The following DENND6B variants were observed in gnomAD, a reference collection of about 807,000 sequenced individuals.
DENND6B encodes DENN domain containing 6B.
A neutral mutation model predicts 85.1 loss-of-function variants in DENND6B; 73 were observed. The ratio of observed to expected loss-of-function variants is 0.86; its 90% CI spans 0.71 to 1.04. The LOEUF (loss-of-function observed/expected upper bound fraction) is 1.04. DENND6B is among the 50% of genes least tolerant of loss of function. DENND6B has a pLI of 0.00. For synonymous variants in DENND6B, 357 were observed against 329.3 expected (o/e 1.08, Z -0.91); for missense variants, 715 against 785.8 (o/e 0.91, Z 1.08).
chr22:50,316,585 G>C (rs1262694178), intron 5 of DENND6B, 110 bp from the exon 6 acceptor site: 1 of 1,542,618 alleles, frequency 6.5e-7, no homozygotes, highest in Middle Eastern at 1.7e-4. Context: ...GCCCAGGGTA[G>C]CACGTCCCAC....
At chr22:50,314,054 G>C (rs914203585) in intron 13 of DENND6B, 153 bp downstream of exon 13, 32 of 1,267,312 alleles carry the variant, frequency 2.5e-5, no homozygotes, top group African/African-American at 7.6e-5. Context: ...GAAGAGAAGA[G>C]AGCGACCCCT....
intron 3 of DENND6B, 132 bp from the exon 4 acceptor site, chr22:50,318,152 G>T: frequency 1.2e-6 from 1 of 839,440 alleles, no homozygotes; most frequent in Non-Finnish European, 1.8e-6. Flanking sequence ...AAACCAGCCT[G>T]GCTAACACAG....
In DENND6B at chr22:50,315,232, C is replaced by T. The variant is rs1052450853; in HGVS notation, c.759-311G>A. 5.9e-5 allele frequency among the ~76,000 whole-genome samples: 9 copies of T among 152,296 alleles called. No individual in the cohort carries two copies. In the East Asian group the frequency reaches 7.7e-4, roughly 13 times the overall value. ...CTGCTGACCTGGGCTGGGGGGTACCCGCCCAGACCCCTCCCGTCACCCTGT... is the reference window on the plus strand; with the variant it reads ...CTGCTGACCTGGGCTGGGGGGTACCTGCCCAGACCCCTCCCGTCACCCTGT... On this transcript the variant is annotated intron_variant, in intron 9 of 19. Coordinates refer to ENST00000413817, the MANE Select transcript of DENND6B (RefSeq NM_001001794.4).
At chr22:50,314,948 G>A in intron 9 of DENND6B, 27 bp from the exon 10 acceptor site, 4 of 1,605,044 alleles carry the variant, frequency 2.5e-6, no homozygotes, top group Admixed American at 1.7e-5. Flanking sequence ...AGGTCGGGGA[G>A]GTCAGGCAGG....
chr22:50,313,887 A>G lies in DENND6B; in HGVS notation c.1139-9T>C. 1 of 1,605,542 alleles carries G rather than the reference A, an allele frequency of 6.2e-7. No homozygotes were observed. Among genetic ancestry groups the G allele is most frequent in the Non-Finnish European group, 8.5e-7 (1 of 1,177,614 alleles). On this transcript the variant is annotated splice_polypyrimidine_tract_variant and intron_variant, in intron 13 of 19. Transcript: ENST00000413817. ...GTAAGCGGTGTAGAGGCCTGGCGGG[A>G]GGGCACAGCTGGCGCCCCACCCTTC...
intron 1 of DENND6B, among the ~76,000 whole-genome samples, chr22:50,323,002 C>G (rs527675314): frequency 6.7e-6 from 1 of 149,732 alleles, no homozygotes; most frequent in African/African-American, 2.5e-5. Flanking sequence ...AGGTGCCCAC[C>G]GCCATGCCCG....
intron 13 of DENND6B, 28 bp downstream of exon 13, chr22:50,314,178 AG>A (rs752014240): frequency 6.3e-7 from 1 of 1,587,660 alleles, no homozygotes; most frequent in Non-Finnish European, 8.5e-7. Flanking sequence ...TCCACGGTGG[AG>A]GGGCTCCAGG....
chr22:50,320,946 A>G (rs1331810880), intron 1 of DENND6B, among the ~76,000 whole-genome samples: 2 of 152,268 alleles, frequency 1.3e-5, no homozygotes, highest in East Asian at 3.9e-4. Flanking sequence ...AGTTGAGTAC[A>G]AAGCCAGGGG....
rs1452218041 is a variant in DENND6B, at chr22:50,316,446, A to G, written c.483T>C (p.Phe161=). Residue 161 remains phenylalanine (F), a synonymous_variant, in exon 6 of 20, where the codon TTT becomes TTC. Transcript: ENST00000413817. ...KSLVLVSRLP[F]VRLFQALLSL... ...TTAGCAGCGCTTGGAACAGCCGGAC[A>G]AAGGGCAAGCGGGACACCAGCACCA... is the stretch of plus-strand genomic sequence containing the variant. 6.3e-7 allele frequency: 1 copy of G among 1,587,296 alleles called. No individual in the cohort carries two copies. The highest frequency in any genetic ancestry group is 8.6e-7 in the Non-Finnish European group (1 of 1,168,404).
Position 50,316,006 on chromosome 22 carries a change from C to G in DENND6B, c.702+19G>C. On this transcript the variant is annotated intron_variant, in intron 8 of 19. Transcript: ENST00000413817. ...GTGAAGCCCAGCTGTTTCAGCTCCA[C>G]CTCCGCCTCAGCTCCCACCTCTTGG... is the stretch of plus-strand genomic sequence containing the variant. 6.2e-7 allele frequency: 1 copy of G among 1,612,526 alleles called. No homozygotes were observed. The highest frequency in any genetic ancestry group is 8.5e-7 in the Non-Finnish European group (1 of 1,179,752).
intron 4 of DENND6B, among the ~76,000 whole-genome samples, chr22:50,317,646 C>T (rs754813305): frequency 1.3e-5 from 2 of 152,098 alleles, no homozygotes; most frequent in East Asian, 3.9e-4. Context: ...TGGGAGGGCC[C>T]CTGTTCAACT....
intron 1 of DENND6B, among the ~76,000 whole-genome samples, chr22:50,324,706 G>A (rs1181633485): frequency 6.6e-6 from 1 of 152,212 alleles, no homozygotes; most frequent in East Asian, 1.9e-4. Flanking sequence ...TTACAGGCGT[G>A]AGCCACCATG....
At position 50,316,356 on chromosome 22, in the gene DENND6B, T is replaced by C; in HGVS notation, c.559+14A>G. 1 of 1,568,536 alleles carries C rather than the reference T, an allele frequency of 6.4e-7. No homozygotes were observed. The highest frequency in any genetic ancestry group is 8.6e-7 in the Non-Finnish European group (1 of 1,158,192). ...ATGATGAGACCACGATGGCCACGAC[T>C]GATGGCCACTCACCTGCTTCCAGGC... On this transcript the variant is annotated intron_variant, in intron 6 of 19. Coordinates refer to ENST00000413817, the MANE Select transcript of DENND6B (RefSeq NM_001001794.4).
chr22:50,318,276 G>A (rs958916605), intron 3 of DENND6B, among the ~76,000 whole-genome samples: 13 of 152,186 alleles, frequency 8.5e-5, no homozygotes, highest in Non-Finnish European at 1.5e-5. Context: ...TTAGGGGGCG[G>A]AGGTTGCAGT....
intron 1 of DENND6B, among the ~76,000 whole-genome samples, chr22:50,322,689 C>T (rs1006401982): frequency 2.6e-5 from 4 of 151,976 alleles, no homozygotes; most frequent in Non-Finnish European, 5.9e-5. Flanking sequence ...GCTGGGATTA[C>T]AGGCGTGCCA....
chr22:50,325,807 G>A (rs1014901077), intron 1 of DENND6B, among the ~76,000 whole-genome samples: 13 of 152,204 alleles, frequency 8.5e-5, no homozygotes, highest in African/African-American at 3.1e-4. Flanking sequence ...GGTGGGAGGG[G>A]CTCCAGAGAG....
chr22:50,319,369 G>A (rs2041968140), intron 1 of DENND6B: 2 of 985,378 alleles, frequency 2.0e-6, no homozygotes, highest in Non-Finnish European at 2.4e-6. Context: ...CTCAGTAAGA[G>A]GCCAGCACAA....
rs1157825497 is a variant in DENND6B, at chr22:50,326,887, G to C, written c.102C>G (p.Pro34=). ...SGRAARTPAA[P]WARFSAWLEC... The stretch of plus-strand genomic sequence containing the variant: ...CCAGCCAGGCGGAGAAGCGCGCCCA[G>C]GGCGCCGCCGGGGTCCGCGCCGCGC... The change falls in exon 1 of 20, where the codon CCC becomes CCG. Residue 34 remains proline, a synonymous_variant. Coordinates refer to ENST00000413817, the MANE Select transcript of DENND6B (RefSeq NM_001001794.4). 7 of 1,411,098 alleles carry C rather than the reference G, an allele frequency of 5.0e-6. No homozygotes were observed. The highest frequency in any genetic ancestry group is 5.5e-6 in the Non-Finnish European group (6 of 1,083,160). 87.4% of individuals were successfully genotyped at this position (1,411,098 alleles called of 1,614,324 possible).
At position 50,310,170 on chromosome 22, in the gene DENND6B, TG is replaced by T. The variant is rs1178629718; in HGVS notation, c.*1968del. The T allele has an allele frequency of 1.3e-5, 2 of 152,260 alleles. No homozygotes were observed. Among genetic ancestry groups the T allele is most frequent in the Non-Finnish European group, 2.9e-5 (2 of 68,048 alleles). 9.4% of individuals were successfully genotyped at this position (152,260 alleles called of 1,614,324 possible). On this transcript the variant is annotated 3_prime_UTR_variant, in exon 20 of 20. Coordinates refer to ENST00000413817, the MANE Select transcript of DENND6B (RefSeq NM_001001794.4). ...GAGACCAAGCCCTCAGTGGGGAGGC[TG>T]GTCCCCCTGTGCTACAGTCAGGAGG...
Sources: allele counts gnomAD v4.1 joint callset (sites outside exome capture counted in the v4.1 genomes callset), GRCh38; gene constraint gnomAD v4.1.1; transcripts MANE v1.5; gene names NCBI Gene and HGNC (gene_info 2026-07-23, HGNC 2026-07-21).